Variants in GADL1 observed in about 807,000 individuals in gnomAD.
GADL1 encodes GAD like acidic amino acid decarboxylase 1.
Under a neutral mutation model 69.5 loss-of-function variants are expected in GADL1, and 71 were observed. That is an observed-to-expected ratio of 1.02 (90% CI 0.84 to 1.25). The LOEUF (loss-of-function observed/expected upper bound fraction) is 1.25, where lower values mean the gene tolerates loss of function less well. GADL1 is among the 50% of genes most tolerant of loss of function. The pLI is 0.00. For synonymous variants in GADL1, 254 were observed against 214.4 expected (o/e 1.18, Z -1.62); for missense variants, 737 against 631.8 (o/e 1.17, Z -1.79).
chr3:30,841,507 G>A (rs1697966481), intron 8 of GADL1, among the ~76,000 whole-genome samples: 1 of 152,100 alleles, frequency 6.6e-6, no homozygotes, highest in African/African-American at 2.4e-5. Context: ...TTTAGGGGAT[G>A]CTAGGCAACA....
chr3:30,792,507 G>A (rs1185063102), intron 12 of GADL1, among the ~76,000 whole-genome samples: 1 of 152,150 alleles, frequency 6.6e-6, no homozygotes, highest in African/African-American at 2.4e-5. Context: ...AGCCTGGGAG[G>A]TGGAGGTTGC....
chr3:30,854,708 T>A lies in GADL1; in HGVS notation c.419A>T (p.Asn140Ile). Reference protein sequence around the residue: ...LVARFMTEALNPSVYTYEVSP... With the variant: ...LVARFMTEALIPSVYTYEVSP... ...ATAGCATGGCACTTACACACTTGGA[T>A]TCAATGCTTCGGTCATAAATCGGGC... Residue 140 changes from asparagine (N) to isoleucine (I), a missense_variant, in exon 4 of 15, where the codon AAT (asparagine) becomes ATT (isoleucine). Coordinates refer to ENST00000282538, the MANE Select transcript of GADL1 (RefSeq NM_207359.3). 6.5e-7 allele frequency: 1 copy of A among 1,545,368 alleles called. No homozygotes were observed. Among genetic ancestry groups the A allele is most frequent in the East Asian group, 2.4e-5 (1 of 40,824 alleles).
intron 12 of GADL1, 33 bp downstream of exon 12, chr3:30,800,856 G>A (rs756494571): frequency 5.2e-4 from 31 of 60,110 alleles, no homozygotes; most frequent in South Asian, 8.2e-4. Flanking sequence ...CACACAGAAA[G>A]AGAGAGAGAG....
In GADL1 at chr3:30,862,826, A is replaced by G. The variant is rs532895216; in HGVS notation, c.38-1061T>C. Among the ~76,000 whole-genome samples the G allele has an allele frequency of 2.0e-5, 3 of 152,084 alleles. No homozygotes were observed. The South Asian group carries it at 6.2e-4, about 32-fold the overall frequency. On this transcript the variant is annotated intron_variant, in intron 1 of 14. Transcript: ENST00000282538. ...GTCCCCTCTTCCTTTAGGTGCGTGTAGCTGTTGGCCAATTTCTCTATGAAC... is the reference window on the plus strand; with the variant it reads ...GTCCCCTCTTCCTTTAGGTGCGTGTGGCTGTTGGCCAATTTCTCTATGAAC...
chr3:30,841,195 G>A (rs1360104374), intron 8 of GADL1, among the ~76,000 whole-genome samples: 5 of 152,176 alleles, frequency 3.3e-5, no homozygotes, highest in Non-Finnish European at 4.4e-5. Flanking sequence ...TATTATCTCA[G>A]AATGGATGCA....
intron 14 of GADL1, among the ~76,000 whole-genome samples, chr3:30,729,522 T>C (rs1353654462): frequency 1.3e-5 from 2 of 152,138 alleles, no homozygotes; most frequent in Non-Finnish European, 1.5e-5. Context: ...AGAGTGTGCT[T>C]TTAAACTCCT....
chr3:30,782,520 T>C (rs900930637), intron 13 of GADL1, among the ~76,000 whole-genome samples: 4 of 152,082 alleles, frequency 2.6e-5, no homozygotes, highest in African/African-American at 9.7e-5. Context: ...CACTTAAGTT[T>C]TTAGAAATGT....
chr3:30,841,920 C>T (rs549817753), intron 8 of GADL1, among the ~76,000 whole-genome samples: 24 of 152,204 alleles, frequency 1.6e-4, no homozygotes, highest in Admixed American at 8.5e-4. Flanking sequence ...ATCTAACTGC[C>T]AAATTACAGA....
intron 8 of GADL1, among the ~76,000 whole-genome samples, chr3:30,842,138 C>G (rs79721647): frequency 6.9e-4 from 105 of 152,226 alleles, no homozygotes; most frequent in African/African-American, 2.3e-3. Flanking sequence ...CAACCAAATG[C>G]AATTTGTGAA....
intron 14 of GADL1, among the ~76,000 whole-genome samples, chr3:30,770,012 T>TG (rs1385094123): frequency 3.1e-5 from 2 of 63,778 alleles, no homozygotes; most frequent in African/African-American, 2.2e-4. Context: ...TAATCATCTG[T>TG]GTATTATCTA....
chr3:30,827,561 T>G (rs1697702131), intron 11 of GADL1, among the ~76,000 whole-genome samples: 1 of 151,898 alleles, frequency 6.6e-6, no homozygotes. Context: ...GATAATGGAT[T>G]CTGAACACAT....
At chr3:30,780,714 A>G (rs1486670334) in intron 13 of GADL1, among the ~76,000 whole-genome samples, 1 of 152,236 alleles carries the variant, frequency 6.6e-6, no homozygotes, top group Non-Finnish European at 1.5e-5. Flanking sequence ...AACTTACTAA[A>G]AAATGCAAAA....
chr3:30,764,149 C>CT (rs2125487445), intron 14 of GADL1, among the ~76,000 whole-genome samples: 1 of 132,396 alleles, frequency 7.6e-6, no homozygotes, highest in African/African-American at 3.0e-5. Context: ...TAACGCTTTA[C>CT]TGAAGTGATT....
At chr3:30,865,025 T>A (rs1270536579) in intron 1 of GADL1, among the ~76,000 whole-genome samples, 1 of 151,916 alleles carries the variant, frequency 6.6e-6, no homozygotes, top group African/African-American at 2.4e-5. Flanking sequence ...AAAGCTAACA[T>A]CCTTCTAATA....
At position 30,767,290 on chromosome 3, in the gene GADL1, CAT is replaced by C. The variant is rs558273896; in HGVS notation, c.1392+10887_1392+10888del. ...CTTTTTAACTTAAAGAGTTCTAAAA[CAT>C]ATAAAAATGAAAAATATTAAAGAAT... On this transcript the variant is annotated intron_variant, in intron 14 of 14. Transcript: ENST00000282538. 5.1e-3 allele frequency among the ~76,000 whole-genome samples: 778 copies of C among 152,090 alleles called. 7 individuals carry two copies. The highest frequency in any genetic ancestry group is 0.018 in the African/African-American group (745 of 41,490).
At position 30,758,743 on chromosome 3, in the gene GADL1, T is replaced by A. The variant is rs566124265; in HGVS notation, c.1392+19436A>T. Among the ~76,000 whole-genome samples the A allele has an allele frequency of 2.0e-5, 3 of 152,328 alleles. No individual in the cohort carries two copies. The South Asian group carries it at 6.2e-4, about 32-fold the overall frequency. On this transcript the variant is annotated intron_variant, in intron 14 of 14. Transcript: ENST00000282538. ...TCAAGAGGACTCCATTGTATTTCCA[T>A]AAAGCAAGTATTTATTTATTGCCTC... is the stretch of plus-strand genomic sequence containing the variant.
intron 9 of GADL1, among the ~76,000 whole-genome samples, chr3:30,837,300 C>T (rs916475576): frequency 9.9e-5 from 15 of 151,962 alleles, no homozygotes; most frequent in African/African-American, 3.6e-4. Flanking sequence ...CTACATGTTC[C>T]TGTAGTAATA....
chr3:30,861,793 G>C (rs1317042050), intron 1 of GADL1, 28 bp from the exon 2 acceptor site: 2 of 1,494,470 alleles, frequency 1.3e-6, no homozygotes, highest in Admixed American at 2.1e-5. Flanking sequence ...AATTGTGTTT[G>C]AGAGATAATC....
chr3:30,739,975 G>A (rs1426447365), intron 14 of GADL1, among the ~76,000 whole-genome samples: 5 of 152,150 alleles, frequency 3.3e-5, no homozygotes, highest in Non-Finnish European at 5.9e-5. Context: ...ATGAAAGCAA[G>A]TTACACATTA....
Sources: allele counts gnomAD v4.1 joint callset (sites outside exome capture counted in the v4.1 genomes callset), GRCh38; gene constraint gnomAD v4.1.1; transcripts MANE v1.5; gene names NCBI Gene and HGNC (gene_info 2026-07-23, HGNC 2026-07-21).